The following SYCP1 variants were observed in gnomAD, a reference collection of about 807,000 sequenced individuals.
SYCP1 encodes synaptonemal complex protein 1.
A neutral mutation model predicts 153.1 loss-of-function variants in SYCP1; 64 were observed. The ratio of observed to expected loss-of-function variants is 0.42; its 90% CI spans 0.34 to 0.51. The LOEUF (loss-of-function observed/expected upper bound fraction) is 0.51. SYCP1 is among the 20% of genes least tolerant of loss of function. The pLI is 0.06. For synonymous variants in SYCP1, 384 were observed against 341.8 expected (o/e 1.12, Z -1.36); for missense variants, 997 against 1,049.0 (o/e 0.95, Z 0.68).
chr1:114,956,529 G>A (rs1671444524), intron 27 of SYCP1, among the ~76,000 whole-genome samples: 1 of 152,112 alleles, frequency 6.6e-6, no homozygotes, highest in African/African-American at 2.4e-5. Flanking sequence ...ATCCTGAGGG[G>A]AACTATGGTC....
intron 20 of SYCP1, among the ~76,000 whole-genome samples, chr1:114,922,513 G>A (rs1668961657): frequency 6.6e-6 from 1 of 152,132 alleles, no homozygotes; most frequent in Non-Finnish European, 1.5e-5. Context: ...AGGAGCAAGA[G>A]TGGTGGGGAG....
Position 114,926,580 on chromosome 1 carries a change from T to G in SYCP1, c.1926+17T>G. ...GAGATAAAGGTATTTGGCATCTTTA[T>G]TTTTGTTTTTTAAATACTAATAGAT... On this transcript the variant is annotated intron_variant, in intron 23 of 31. Transcript: ENST00000369522. The G allele has an allele frequency of 1.3e-6, 2 of 1,576,288 alleles. No homozygotes were observed. Among genetic ancestry groups the G allele is most frequent in the South Asian group, 2.4e-5 (2 of 84,608 alleles).
chr1:114,910,170 C>T, intron 16 of SYCP1: 1 of 282,162 alleles, frequency 3.5e-6, no homozygotes. Flanking sequence ...AGAAATTAAT[C>T]ATCTGTAACT....
At chr1:114,908,581 T>A (rs967574713) in intron 16 of SYCP1, among the ~76,000 whole-genome samples, 10 of 152,212 alleles carry the variant, frequency 6.6e-5, no homozygotes, top group African/African-American at 1.7e-4. Flanking sequence ...GACTATCGAT[T>A]CTGTTGTTCT....
chr1:114,870,599 T>G (rs1371676140), intron 8 of SYCP1, among the ~76,000 whole-genome samples: 1 of 152,232 alleles, frequency 6.6e-6, no homozygotes, highest in African/African-American at 2.4e-5. Flanking sequence ...GCAGACATTT[T>G]CTCCCAGTCT....
intron 15 of SYCP1, among the ~76,000 whole-genome samples, chr1:114,888,452 C>G (rs1261912509): frequency 4.6e-5 from 7 of 151,282 alleles, no homozygotes; most frequent in Non-Finnish European, 8.9e-5. Flanking sequence ...GAAATGTGTG[C>G]TTTACATTTC....
chr1:114,931,395 T>A (rs1669621778), intron 23 of SYCP1, among the ~76,000 whole-genome samples: 1 of 152,116 alleles, frequency 6.6e-6, no homozygotes, highest in Non-Finnish European at 1.5e-5. Flanking sequence ...AGTCACTGGA[T>A]ACAAGGTCAA....
At chr1:114,866,108 C>T (rs1398714970) in intron 8 of SYCP1, among the ~76,000 whole-genome samples, 7 of 152,138 alleles carry the variant, frequency 4.6e-5, no homozygotes, top group Non-Finnish European at 1.0e-4. Context: ...TGGTTGCTTC[C>T]AAGTTTTGGC....
At chr1:114,981,653 AAATGT>A (rs2101950041) in intron 29 of SYCP1, 141 bp downstream of exon 29, 2 of 753,538 alleles carry the variant, frequency 2.7e-6, no homozygotes, top group East Asian at 5.9e-5. Context: ...TATCAGCATG[AAATGT>A]AAAGACAAGG....
At chr1:114,931,441 G>T (rs1426501577) in intron 23 of SYCP1, among the ~76,000 whole-genome samples, 2 of 152,006 alleles carry the variant, frequency 1.3e-5, no homozygotes, top group Non-Finnish European at 2.9e-5. Flanking sequence ...TATGCTAACA[G>T]CTAGTAATTG....
intron 16 of SYCP1, among the ~76,000 whole-genome samples, chr1:114,907,055 T>C (rs1226767196): frequency 6.6e-6 from 1 of 152,224 alleles, no homozygotes; most frequent in Non-Finnish European, 1.5e-5. Context: ...TCTTGATGAA[T>C]TGACCCTTTG....
At chr1:114,915,033 T>A (rs1668426866) in intron 20 of SYCP1, among the ~76,000 whole-genome samples, 1 of 150,238 alleles carries the variant, frequency 6.7e-6, no homozygotes, top group African/African-American at 2.5e-5. Context: ...GACTTTATGC[T>A]AACAGCTGTG....
In SYCP1 at chr1:114,867,160, A is replaced by C. The variant is rs555589755; in HGVS notation, c.598+6351A>C. Among the ~76,000 whole-genome samples, 222 of 152,176 alleles carry C rather than the reference A, an allele frequency of 1.5e-3. 1 individual carries two copies. Among genetic ancestry groups the C allele is most frequent in the Middle Eastern group, 3.4e-3 (1 of 294 alleles). On this transcript the variant is annotated intron_variant, in intron 8 of 31. Transcript: ENST00000369522. ...TCACTATGTTGATTACTGTAGCTTT[A>C]TAGTAAGTCTTGAATTTGAATAGTA...
In SYCP1 at chr1:114,946,401, G is replaced by A. The variant is rs757676756; in HGVS notation, c.2247+20G>A. 2.7e-6 allele frequency: 4 copies of A among 1,483,786 alleles called. No homozygotes were observed. The highest frequency in any genetic ancestry group is 2.0e-5 in the Admixed American group (1 of 49,472). The allele number at this position is 1,483,786 out of a possible 1,614,324, so 91.9% of individuals were successfully genotyped here. A position where few individuals can be genotyped will look rare whatever the true frequency, so the allele number is the denominator to read the frequency against. On this transcript the variant is annotated intron_variant, in intron 26 of 31. Transcript: ENST00000369522. Reference sequence around the variant, plus strand: ...TCTTTGGTGAGATACAGAAAAAATTGCAGTAACGGCCAGTTTTCATAATGT... The same window carrying A: ...TCTTTGGTGAGATACAGAAAAAATTACAGTAACGGCCAGTTTTCATAATGT...
At chr1:114,960,673 G>A (rs1460077593) in intron 27 of SYCP1, among the ~76,000 whole-genome samples, 5 of 152,074 alleles carry the variant, frequency 3.3e-5, no homozygotes, top group East Asian at 3.8e-4. Context: ...TGTTGAGTAC[G>A]TTTTCATATA....
At chr1:114,929,922 A>G (rs1016953013) in intron 23 of SYCP1, among the ~76,000 whole-genome samples, 4 of 152,078 alleles carry the variant, frequency 2.6e-5, no homozygotes, top group Admixed American at 1.3e-4. Context: ...AATGTTTACC[A>G]AAATAGACTA....
chr1:114,876,668 T>G, intron 10 of SYCP1, 69 bp from the exon 11 acceptor site: 1 of 842,346 alleles, frequency 1.2e-6, no homozygotes, highest in Non-Finnish European at 1.7e-6. Context: ...AAACTTTAAA[T>G]TTTGTTTGTA....
Position 114,994,927 on chromosome 1 carries a change from G to A in SYCP1, c.2839G>A (p.Ala947Thr). 1.2e-6 allele frequency: 2 copies of A among 1,609,228 alleles called. No individual in the cohort carries two copies. The highest frequency in any genetic ancestry group is 1.3e-5 in the African/African-American group (1 of 74,726). Reference sequence around the variant, plus strand: ...CCCTGGATCTACACTGAAGTTTGGAGCTATAAGAAAAATGCGGGAGGACCG... The same window carrying A: ...CCCTGGATCTACACTGAAGTTTGGAACTATAAGAAAAATGCGGGAGGACCG... ...TTPGSTLKFG[A>T]IRKMREDRWA... The change falls in exon 32 of 32, where the codon GCT becomes ACT. Residue 947 changes from alanine to threonine, a missense_variant. Physicochemically the swap from Ala to Thr is moderately conservative, Grantham distance 58 (BLOSUM62 0). Around this residue, in one of 2 missense-constraint regions of SYCP1, gnomAD observed 712 missense variants for 682.9 expected, o/e 1.04. Coordinates refer to ENST00000369522, the MANE Select transcript of SYCP1 (RefSeq NM_003176.4).
intron 20 of SYCP1, among the ~76,000 whole-genome samples, chr1:114,918,638 CT>C (rs990939444): frequency 6.6e-5 from 10 of 151,878 alleles, no homozygotes; most frequent in Non-Finnish European, 1.5e-4. Context: ...AGTGTCTTTC[CT>C]TTTTTTGTGT....
Sources: gnomAD v4.1 joint callset for allele counts (sites outside exome capture counted in the v4.1 genomes callset) on GRCh38, gnomAD v4.1.1 for gene constraint, gnomAD v4.1.1 regional missense constraint, MANE v1.5 for transcripts, NCBI Gene and HGNC (gene_info 2026-07-23, HGNC 2026-07-21) for gene names.